Variants in SLA2 observed in about 807,000 individuals in gnomAD.
SLA2 encodes the protein Src like adaptor 2.
A neutral mutation model predicts 27.3 loss-of-function variants in SLA2; 22 were observed. That is an observed-to-expected ratio of 0.81 (90% CI 0.58 to 1.15). SLA2 has a LOEUF of 1.15. Among genes scored for constraint, SLA2 ranks in the 50% most tolerant of loss-of-function variants. The pLI is 0.00. For synonymous variants in SLA2, 131 were observed against 137.8 expected, an observed-to-expected ratio of 0.95 and a Z score of 0.34; for missense variants, 304 against 322.2, an observed-to-expected ratio of 0.94 and a Z score of 0.43.
rs1013011263 is a variant in SLA2, at chr20:36,613,235, A to T, written c.*631T>A. The T allele has an allele frequency of 1.3e-5, 2 of 152,346 alleles. No individual in the cohort carries two copies. The highest frequency in any genetic ancestry group is 2.9e-5 in the Non-Finnish European group (2 of 68,194). 9.4% of individuals were successfully genotyped at this position (152,346 alleles called of 1,614,324 possible). On this transcript the variant is annotated 3_prime_UTR_variant, in exon 8 of 8. Coordinates refer to ENST00000262866, the MANE Select transcript of SLA2 (RefSeq NM_032214.4). ...ACTCCGTCTCAAAAAAAAGAAAAAG[A>T]GCTGGGGCTGTTGTCCTCAATGGGG...
At chr20:36,618,188 GAT>G (rs914360489) in intron 5 of SLA2, among the ~76,000 whole-genome samples, 19 of 150,958 alleles carry the variant, frequency 1.3e-4, no homozygotes, top group African/African-American at 4.4e-4. Flanking sequence ...ATGGAAAAAA[GAT>G]ATATCATGCA....
At chr20:36,617,139 C>T (rs1384903236) in intron 5 of SLA2, among the ~76,000 whole-genome samples, 1 of 151,718 alleles carries the variant, frequency 6.6e-6, no homozygotes, top group Non-Finnish European at 1.5e-5. Flanking sequence ...GGGCGGATCA[C>T]CTGAGGTCAG....
At chr20:36,621,208 G>A (rs1020976271) in intron 5 of SLA2, 5 of 499,490 alleles carry the variant, frequency 1.0e-5, no homozygotes, top group Non-Finnish European at 2.0e-5. Flanking sequence ...CGGTGGCGGA[G>A]GATATGATGG....
At chr20:36,618,146 C>CAA (rs1222101095) in intron 5 of SLA2, among the ~76,000 whole-genome samples, 5 of 64,634 alleles carry the variant, frequency 7.7e-5, no homozygotes, top group African/African-American at 1.1e-4. Flanking sequence ...GACTCCGTCT[C>CAA]AAAAAAAAAA....
At position 36,613,957 on chromosome 20, in the gene SLA2, C is replaced by T; in HGVS notation, c.695G>A (p.Gly232Glu). 1 of 1,614,088 alleles carries T rather than the reference C, an allele frequency of 6.2e-7. No individual in the cohort carries two copies. Among genetic ancestry groups the T allele is most frequent in the Non-Finnish European group, 8.5e-7 (1 of 1,179,982 alleles). ...SSLLFSEAATGEESLLSEGLR... is the reference protein window; with the variant it reads ...SSLLFSEAATEEESLLSEGLR... ...ACCCTCACTGAGAAGAGACTCCTCCCCTGTGGCAGCTTCAGAAAACAGGAG... is the reference window on the plus strand; with the variant it reads ...ACCCTCACTGAGAAGAGACTCCTCCTCTGTGGCAGCTTCAGAAAACAGGAG... The change falls in exon 8 of 8, where the codon GGG becomes GAG. Residue 232 changes from glycine to glutamate, a missense_variant. Physicochemically the swap from Gly to Glu is moderately conservative, Grantham distance 98 (BLOSUM62 -2). Coordinates refer to ENST00000262866, the MANE Select transcript of SLA2 (RefSeq NM_032214.4).
chr20:36,612,400 G>A lies in SLA2; in HGVS notation c.*1466C>T, dbSNP rs1463154826. On this transcript the variant is annotated 3_prime_UTR_variant, in exon 8 of 8. Coordinates refer to ENST00000262866, the MANE Select transcript of SLA2 (RefSeq NM_032214.4). ...AAATTGTCTTCCTCGATTCTCCATC[G>A]GGTGTAGAGTTTTTAAACTATCAAT... The A allele has an allele frequency of 2.0e-5, 13 of 651,790 alleles. No individual in the cohort carries two copies. Among genetic ancestry groups the A allele is most frequent in the Admixed American group, 5.7e-5 (2 of 35,228 alleles). The allele number at this position is 651,790 out of a possible 1,614,324, so 40.4% of individuals were successfully genotyped here.
At chr20:36,638,804 A>T (rs891744074) in intron 2 of SLA2, among the ~76,000 whole-genome samples, 9 of 152,304 alleles carry the variant, frequency 5.9e-5, no homozygotes, top group Admixed American at 5.9e-4. Flanking sequence ...CAACCCAGAT[A>T]TTTGGTCAAA....
rs2039151880 is a variant in SLA2 at position 36,612,572 on chromosome 20, C to CTGAT, written c.*1290_*1293dup. The CTGAT allele has an allele frequency of 1.7e-5, 5 of 301,644 alleles. No homozygotes were observed. Among genetic ancestry groups the CTGAT allele is most frequent in the South Asian group, 1.6e-4 (5 of 31,302 alleles). The allele number at this position is 301,644 out of a possible 1,614,324, so 18.7% of individuals were successfully genotyped here. A position where few individuals can be genotyped will look rare whatever the true frequency, so the allele number is the denominator to read the frequency against. On this transcript the variant is annotated 3_prime_UTR_variant, in exon 8 of 8. Transcript: ENST00000262866. ...TTAATTGAGAACCTGTTGATGATAC[C>CTGAT]TGATAAAGCCTTTCCCACCCCACCT...
In SLA2 at chr20:36,613,762, C is replaced by T. The variant is rs1049188170; in HGVS notation, c.*104G>A. On this transcript the variant is annotated 3_prime_UTR_variant, in exon 8 of 8. Transcript: ENST00000262866. ...ACCCTAGATGCACCTCTGTGTCCCACCCTCCCTCCCTGAGTGCACAGCCTT... is the reference window on the plus strand; with the variant it reads ...ACCCTAGATGCACCTCTGTGTCCCATCCTCCCTCCCTGAGTGCACAGCCTT... 18 of 474,778 alleles carry T rather than the reference C, an allele frequency of 3.8e-5. 4 individuals are homozygous for T. The highest frequency in any genetic ancestry group is 5.9e-5 in the Non-Finnish European group (15 of 253,140). The allele number at this position is 474,778 out of a possible 1,614,324, so 29.4% of individuals were successfully genotyped here. A position where few individuals can be genotyped will look rare whatever the true frequency, so the allele number is the denominator to read the frequency against.
intron 2 of SLA2, among the ~76,000 whole-genome samples, chr20:36,636,144 G>A (rs1005239148): frequency 3.3e-5 from 5 of 152,162 alleles, no homozygotes; most frequent in Admixed American, 6.5e-5. Context: ...GAGGCCGGGC[G>A]CGGTGGCTCA....
chr20:36,634,233 A>T (rs2039421019), intron 3 of SLA2, among the ~76,000 whole-genome samples: 1 of 151,768 alleles, frequency 6.6e-6, no homozygotes, highest in Non-Finnish European at 1.5e-5. Flanking sequence ...TGATCTGCCC[A>T]CCTCAGCCTC....
intron 5 of SLA2, among the ~76,000 whole-genome samples, chr20:36,627,851 C>T (rs188572587): frequency 2.0e-5 from 3 of 152,314 alleles, no homozygotes; most frequent in East Asian, 3.9e-4. Flanking sequence ...TTCCTGGTAG[C>T]TCAGGGCCCC....
chr20:36,633,529 G>C lies in SLA2; in HGVS notation c.278+14C>G. The C allele has an allele frequency of 6.2e-7, 1 of 1,609,342 alleles. No individual in the cohort carries two copies. Among genetic ancestry groups the C allele is most frequent in the Non-Finnish European group, 8.5e-7 (1 of 1,175,628 alleles). On this transcript the variant is annotated intron_variant, in intron 4 of 7. Coordinates refer to ENST00000262866, the MANE Select transcript of SLA2 (RefSeq NM_032214.4). ...CAGGAAGCTCTGCAAGGCGGGCCTGGGGTGGGAACTCACCCATGGGAGACT... is the reference window on the plus strand; with the variant it reads ...CAGGAAGCTCTGCAAGGCGGGCCTGCGGTGGGAACTCACCCATGGGAGACT...
intron 5 of SLA2, among the ~76,000 whole-genome samples, chr20:36,617,469 G>A (rs1331416332): frequency 6.6e-6 from 1 of 150,576 alleles, no homozygotes; most frequent in Non-Finnish European, 1.5e-5. Flanking sequence ...GGGAGGTGAA[G>A]GTTGCGGTGA....
chr20:36,643,050 C>T (rs1037024568), intron 1 of SLA2, among the ~76,000 whole-genome samples: 3 of 152,184 alleles, frequency 2.0e-5, no homozygotes, highest in African/African-American at 4.8e-5. Context: ...TGAGAGTTTA[C>T]TTGTTTAATC....
At chr20:36,634,312 G>T (rs1230356344) in intron 3 of SLA2, among the ~76,000 whole-genome samples, 178 bp downstream of exon 3, 1 of 151,352 alleles carries the variant, frequency 6.6e-6, no homozygotes, top group African/African-American at 2.4e-5. Context: ...AGATGACAGG[G>T]TCTTGCTGTC....
intron 4 of SLA2, among the ~76,000 whole-genome samples, chr20:36,633,030 C>A (rs1035287813): frequency 1.3e-5 from 2 of 152,166 alleles, no homozygotes; most frequent in Non-Finnish European, 2.9e-5. Flanking sequence ...ATTCTATCCA[C>A]TCACCTTTCT....
At position 36,641,364 on chromosome 20, in the gene SLA2, A is replaced by G; in HGVS notation, c.-29T>C. 2.5e-6 allele frequency: 4 copies of G among 1,589,730 alleles called. No homozygotes were observed. Among genetic ancestry groups the G allele is most frequent in the Non-Finnish European group, 3.5e-6 (4 of 1,158,166 alleles). On this transcript the variant is annotated 5_prime_UTR_variant, in exon 2 of 8. An upstream start codon of the reference 5' UTR is lost. Coordinates refer to ENST00000262866, the MANE Select transcript of SLA2 (RefSeq NM_032214.4). Reference sequence around the variant, plus strand: ...TCCTCAGCAGAGCACTCAGAAGCACATCATCGAGGGAAATCTGAAAGAGAC... The same window carrying G: ...TCCTCAGCAGAGCACTCAGAAGCACGTCATCGAGGGAAATCTGAAAGAGAC...
intron 1 of SLA2, among the ~76,000 whole-genome samples, chr20:36,643,442 C>T (rs1317222367): frequency 6.6e-6 from 1 of 152,208 alleles, no homozygotes; most frequent in South Asian, 2.1e-4. Context: ...ACCCATGCAC[C>T]TTACTCTGGA....
Sources: allele counts gnomAD v4.1 joint callset (sites outside exome capture counted in the v4.1 genomes callset), GRCh38; gene constraint gnomAD v4.1.1; transcripts MANE v1.5; gene names NCBI Gene and HGNC (gene_info 2026-07-23, HGNC 2026-07-21).